The following ANO6 variants were observed in gnomAD, a reference collection of about 807,000 sequenced individuals.
The protein encoded by ANO6 is anoctamin 6.
In ANO6, 106 loss-of-function variants were observed where a neutral mutation model predicts 117.5. That is an observed-to-expected ratio of 0.90 (90% CI 0.77 to 1.06). The LOEUF (loss-of-function observed/expected upper bound fraction) is 1.06. Ranked by LOEUF, ANO6 falls within the 50% of genes least tolerant of loss-of-function variation. The pLI is 0.00. For missense variants in ANO6, 955 were observed against 1,121.1 expected, an observed-to-expected ratio of 0.85 and a Z score of 2.12; for synonymous variants, 367 against 385.1, an observed-to-expected ratio of 0.95 and a Z score of 0.55.
chr12:45,423,137 A>C (rs1943409926), intron 19 of ANO6, 75 bp downstream of exon 19: 1 of 1,037,390 alleles, frequency 9.6e-7, no homozygotes, highest in Non-Finnish European at 1.5e-6. Context: ...TGCCAACTCC[A>C]TACTTAACAT....
intron 1 of ANO6, among the ~76,000 whole-genome samples, chr12:45,251,553 C>A (rs1409787023): frequency 1.3e-5 from 2 of 152,040 alleles, no homozygotes; most frequent in East Asian, 3.9e-4. Context: ...ATCATGGCAG[C>A]CCCTGTAGTG....
intron 2 of ANO6, among the ~76,000 whole-genome samples, chr12:45,307,077 G>A (rs1939694660): frequency 6.6e-6 from 1 of 152,026 alleles, no homozygotes; most frequent in Non-Finnish European, 1.5e-5. Flanking sequence ...ATAGATATGA[G>A]GACTTCATAG....
chr12:45,387,839 TAGTG>T (rs1180989340), intron 10 of ANO6, among the ~76,000 whole-genome samples: 8 of 152,244 alleles, frequency 5.3e-5, no homozygotes, highest in African/African-American at 1.9e-4. Flanking sequence ...GTTCTCATGA[TAGTG>T]AGTGAGTTCT....
chr12:45,292,489 A>G (rs71461106), intron 1 of ANO6, among the ~76,000 whole-genome samples: 3,518 of 152,324 alleles, frequency 0.023, 88 homozygotes, highest in Non-Finnish European at 0.031. Flanking sequence ...ACGTTACTGC[A>G]ATAAATTTTT....
chr12:45,403,393 T>C, intron 14 of ANO6, 46 bp from the exon 15 acceptor site: 1 of 1,550,318 alleles, frequency 6.5e-7, no homozygotes, highest in Non-Finnish European at 8.9e-7. Flanking sequence ...TATTTCAAGT[T>C]AGATCCATTG....
chr12:45,409,027 A>C (rs1592031702), intron 15 of ANO6, among the ~76,000 whole-genome samples: 1 of 152,324 alleles, frequency 6.6e-6, no homozygotes, highest in Admixed American at 6.5e-5. Flanking sequence ...TACTGGCAAG[A>C]CTATTTTGAA....
At chr12:45,257,756 C>G (rs557366348) in intron 1 of ANO6, among the ~76,000 whole-genome samples, 1 of 152,316 alleles carries the variant, frequency 6.6e-6, no homozygotes, top group South Asian at 2.1e-4. Flanking sequence ...TTCCTTCATA[C>G]TGTTGCCAAA....
chr12:45,367,595 C>A, intron 8 of ANO6, 93 bp from the exon 9 acceptor site: 1 of 918,386 alleles, frequency 1.1e-6, no homozygotes, highest in South Asian at 1.5e-5. Context: ...TTTACAAGAT[C>A]GGTTTAGTTT....
At chr12:45,358,407 C>T (rs751964269) in intron 8 of ANO6, among the ~76,000 whole-genome samples, 7 of 152,018 alleles carry the variant, frequency 4.6e-5, no homozygotes, top group Non-Finnish European at 4.4e-5. Flanking sequence ...GGGCCAAAGG[C>T]TGAATGTTGT....
At position 45,429,172 on chromosome 12, in the gene ANO6, G is replaced by A. The variant is rs576674429; in HGVS notation, c.2594G>A (p.Ser865Asn). The change falls in exon 20 of 20, where the codon AGC (serine) becomes AAC (asparagine). Residue 865 changes from serine to asparagine, a missense_variant. Physicochemically the swap from Ser to Asn is conservative, Grantham distance 46 (BLOSUM62 1). Transcript: ENST00000320560. Reference sequence around the variant, plus strand: ...CCCGATGTATCAAAACGCACAAAGAGCAAGATCCAGAGAGAAAAATACCTA... The same window carrying A: ...CCCGATGTATCAAAACGCACAAAGAACAAGATCCAGAGAGAAAAATACCTA... ...AIPDVSKRTKSKIQREKYLTQ... is the reference protein window; with the variant it reads ...AIPDVSKRTKNKIQREKYLTQ... The A allele has an allele frequency of 6.2e-6, 10 of 1,613,848 alleles. No homozygotes were observed. The South Asian group carries it at 9.9e-5, about 16-fold the overall frequency.
chr12:45,345,878 G>A (rs972269231), intron 3 of ANO6, among the ~76,000 whole-genome samples: 1 of 152,026 alleles, frequency 6.6e-6, no homozygotes, highest in Non-Finnish European at 1.5e-5. Context: ...CAGTTCTGTA[G>A]GCTGGGAAGT....
At chr12:45,404,357 AT>A (rs1565755976) in intron 15 of ANO6, among the ~76,000 whole-genome samples, 1 of 152,110 alleles carries the variant, frequency 6.6e-6, no homozygotes, top group Non-Finnish European at 1.5e-5. Flanking sequence ...ACCATCTGCA[AT>A]TTCTGCAAAT....
intron 9 of ANO6, among the ~76,000 whole-genome samples, chr12:45,368,004 A>G (rs914617640): frequency 3.3e-5 from 5 of 152,208 alleles, no homozygotes; most frequent in African/African-American, 1.2e-4. Flanking sequence ...ATAAAATCTC[A>G]TAGAGTGTCA....
chr12:45,375,283 G>A (rs1316998669), intron 9 of ANO6, among the ~76,000 whole-genome samples: 3 of 152,150 alleles, frequency 2.0e-5, no homozygotes, highest in African/African-American at 4.8e-5. Context: ...TACTTCCCAA[G>A]GTAATTTGCA....
At chr12:45,251,421 GT>G (rs1781790553) in intron 1 of ANO6, among the ~76,000 whole-genome samples, 1 of 152,204 alleles carries the variant, frequency 6.6e-6, no homozygotes, top group Non-Finnish European at 1.5e-5. Context: ...GCTGAGTGGT[GT>G]TTAGCTGGCA....
chr12:45,239,648 A>G (rs1322864302), intron 1 of ANO6, among the ~76,000 whole-genome samples: 1 of 151,742 alleles, frequency 6.6e-6, no homozygotes, highest in Non-Finnish European at 1.5e-5. Context: ...TAGGGTGTCG[A>G]TTTTAGATCT....
At chr12:45,301,093 A>G (rs922017461) in intron 1 of ANO6, among the ~76,000 whole-genome samples, 33 of 152,260 alleles carry the variant, frequency 2.2e-4, no homozygotes, top group African/African-American at 7.5e-4. Context: ...CACTGTGAGT[A>G]TAAAATATAC....
rs147351912 is a variant in ANO6, at chr12:45,311,334, G to T, written c.150+9241G>T. Among the ~76,000 whole-genome samples, 9 of 152,144 alleles carry T rather than the reference G, an allele frequency of 5.9e-5. No individual in the cohort carries two copies. The East Asian group carries it at 1.7e-3, about 29-fold the overall frequency. ...GATCACATGAAATGGCTGGGTATTT[G>T]GTTAACGAAGCTCCGTGTGAATTGA... On this transcript the variant is annotated intron_variant, in intron 2 of 19. Transcript: ENST00000320560.
chr12:45,407,909 C>T (rs531506220), intron 15 of ANO6, among the ~76,000 whole-genome samples: 22 of 152,144 alleles, frequency 1.4e-4, no homozygotes, highest in Non-Finnish European at 2.4e-4. Context: ...CATATCCCAT[C>T]CACTTTCCAC....
Sources: gnomAD v4.1 joint callset for allele counts (sites outside exome capture counted in the v4.1 genomes callset) on GRCh38, gnomAD v4.1.1 for gene constraint, MANE v1.5 for transcripts, NCBI Gene and HGNC (gene_info 2026-07-23, HGNC 2026-07-21) for gene names.